KIAA1328: variants seen among roughly 807,000 people sequenced by gnomAD.
KIAA1328 encodes the protein protein hinderin.
KIAA1328 carries 52 observed loss-of-function variants against 68.1 expected under a neutral mutation model. The observed-to-expected ratio is 0.76, with a 90% CI of 0.61 to 0.96. KIAA1328 has a LOEUF of 0.96. KIAA1328 is among the 40% of genes least tolerant of loss of function. The pLI is 0.00. For missense variants in KIAA1328, 641 were observed against 677.6 expected, an observed-to-expected ratio of 0.95 and a Z score of 0.60; for synonymous variants, 232 against 239.4, an observed-to-expected ratio of 0.97 and a Z score of 0.28.
At chr18:37,210,244 GTCC>G (rs1472815655) in intron 9 of KIAA1328, among the ~76,000 whole-genome samples, 79 of 152,272 alleles carry the variant, frequency 5.2e-4, no homozygotes, top group African/African-American at 1.9e-3. Context: ...CAGAGGCTAC[GTCC>G]TCCTCTGGAT....
At chr18:37,091,050 T>G (rs1236995933) in intron 7 of KIAA1328, among the ~76,000 whole-genome samples, 1 of 152,166 alleles carries the variant, frequency 6.6e-6, no homozygotes, top group Non-Finnish European at 1.5e-5. Context: ...ATAAACTACC[T>G]TAAATAGGCA....
chr18:36,937,322 G>A (rs2050539641), intron 5 of KIAA1328, among the ~76,000 whole-genome samples: 1 of 151,976 alleles, frequency 6.6e-6, no homozygotes, highest in Admixed American at 6.6e-5. Context: ...TGACAAAAAC[G>A]CCAAAAGCAA....
intron 8 of KIAA1328, among the ~76,000 whole-genome samples, chr18:37,162,732 A>C (rs1203047228): frequency 1.3e-5 from 2 of 152,110 alleles, no homozygotes; most frequent in African/African-American, 2.4e-5. Context: ...CTTCTGTCTT[A>C]CATCTTTTGT....
At chr18:37,170,685 C>T (rs909741607) in intron 8 of KIAA1328, among the ~76,000 whole-genome samples, 3 of 152,156 alleles carry the variant, frequency 2.0e-5, no homozygotes, top group Admixed American at 6.6e-5. Flanking sequence ...GTACTTATTA[C>T]AGCAGCATAG....
In KIAA1328 at chr18:36,922,927, G is replaced by A. The variant is rs567924378; in HGVS notation, c.449-36381G>A. On this transcript the variant is annotated intron_variant, in intron 5 of 9. Coordinates refer to ENST00000280020, the MANE Select transcript of KIAA1328 (RefSeq NM_020776.3). ...TTTTGTTATTAAAGTATTGCAATAG[G>A]TAATGTTTGCAAGGTATTACAATAT... is the stretch of plus-strand genomic sequence containing the variant. 3.3e-5 allele frequency among the ~76,000 whole-genome samples: 5 copies of A among 152,120 alleles called. No individual in the cohort carries two copies. The East Asian group carries it at 9.7e-4, about 29-fold the overall frequency.
chr18:36,910,042 T>C (rs2049375344), intron 5 of KIAA1328, among the ~76,000 whole-genome samples: 1 of 152,232 alleles, frequency 6.6e-6, no homozygotes, highest in Non-Finnish European at 1.5e-5. Flanking sequence ...CTTCGTCAGA[T>C]GAGTAGATTG....
chr18:36,867,329 C>T (rs182498262), intron 4 of KIAA1328, among the ~76,000 whole-genome samples: 7 of 152,320 alleles, frequency 4.6e-5, no homozygotes, highest in Non-Finnish European at 7.4e-5. Flanking sequence ...ATGTGAAGTG[C>T]CAGTTTGCCT....
chr18:37,154,697 A>T (rs1015201000), intron 7 of KIAA1328, among the ~76,000 whole-genome samples: 10 of 152,152 alleles, frequency 6.6e-5, no homozygotes, highest in Non-Finnish European at 1.3e-4. Context: ...CCATGGTTTC[A>T]TCAGAAAAAT....
At chr18:37,104,554 CAGAT>C (rs2057715944) in intron 7 of KIAA1328, among the ~76,000 whole-genome samples, 1 of 152,180 alleles carries the variant, frequency 6.6e-6, no homozygotes, top group South Asian at 2.1e-4. Flanking sequence ...TACAAACACA[CAGAT>C]GGAAGGAATA....
intron 6 of KIAA1328, among the ~76,000 whole-genome samples, chr18:37,011,001 G>A (rs763692653): frequency 1.9e-4 from 29 of 152,100 alleles, no homozygotes; most frequent in Non-Finnish European, 3.4e-4. Flanking sequence ...TTAAATTATA[G>A]CTATGCTACA....
At chr18:36,928,231 A>G (rs1223841004) in intron 5 of KIAA1328, among the ~76,000 whole-genome samples, 1 of 152,104 alleles carries the variant, frequency 6.6e-6, no homozygotes, top group Non-Finnish European at 1.5e-5. Context: ...ATTGCTGTCT[A>G]TGGTGCCTTA....
chr18:37,129,184 A>T (rs2058462634), intron 7 of KIAA1328, among the ~76,000 whole-genome samples: 1 of 152,298 alleles, frequency 6.6e-6, no homozygotes, highest in African/African-American at 2.4e-5. Flanking sequence ...ATTAAAAAAA[A>T]CCCTAAAGAT....
At chr18:36,938,569 C>T (rs552868076) in intron 5 of KIAA1328, among the ~76,000 whole-genome samples, 6 of 152,066 alleles carry the variant, frequency 3.9e-5, no homozygotes, top group African/African-American at 9.7e-5. Context: ...TCTGTTGTTT[C>T]CTTTCCTGTG....
At chr18:37,063,960 G>A (rs2046624169) in intron 6 of KIAA1328, among the ~76,000 whole-genome samples, 1 of 151,924 alleles carries the variant, frequency 6.6e-6, no homozygotes, top group Non-Finnish European at 1.5e-5. Context: ...AGTAATTTCT[G>A]ACCTTTTAGT....
chr18:36,886,605 A>G (rs974677118), intron 5 of KIAA1328, among the ~76,000 whole-genome samples: 2 of 151,936 alleles, frequency 1.3e-5, no homozygotes, highest in African/African-American at 2.4e-5. Context: ...CTATTTCTGA[A>G]TTTTCTTTTG....
intron 5 of KIAA1328, among the ~76,000 whole-genome samples, chr18:36,887,113 T>C (rs78936453): frequency 9.9e-6 from 1 of 100,718 alleles, no homozygotes; most frequent in South Asian, 2.9e-4. Context: ...CAACTTTCTC[T>C]TTTTTTTTTT....
intron 6 of KIAA1328, among the ~76,000 whole-genome samples, chr18:37,002,116 C>G (rs191005093): frequency 1.3e-5 from 2 of 152,004 alleles, no homozygotes; most frequent in African/African-American, 4.8e-5. Context: ...AACCTGAAGA[C>G]TCCATCAAAA....
chr18:37,100,290 A>G (rs2057564589), intron 7 of KIAA1328, among the ~76,000 whole-genome samples: 1 of 152,296 alleles, frequency 6.6e-6, no homozygotes, highest in South Asian at 2.1e-4. Flanking sequence ...GGGGTGACAG[A>G]TGGCACCTGG....
At chr18:37,114,802 A>T (rs973645410) in intron 7 of KIAA1328, among the ~76,000 whole-genome samples, 21 of 152,228 alleles carry the variant, frequency 1.4e-4, no homozygotes, top group Admixed American at 5.2e-4. Flanking sequence ...GAAAGAATCA[A>T]ATAGATGCAA....
Sources: gnomAD v4.1 joint callset for allele counts (sites outside exome capture counted in the v4.1 genomes callset) on GRCh38, gnomAD v4.1.1 for gene constraint, MANE v1.5 for transcripts, NCBI Gene and HGNC (gene_info 2026-07-23, HGNC 2026-07-21) for gene names.